DYM: variants seen among roughly 807,000 people sequenced by gnomAD.
DYM encodes dymeclin.
Under a neutral mutation model 93.1 loss-of-function variants are expected in DYM, and 78 were observed. The observed-to-expected ratio is 0.84, with a 90% CI of 0.70 to 1.01. The LOEUF (loss-of-function observed/expected upper bound fraction) is 1.01, where lower values mean the gene tolerates loss of function less well. Ranked by LOEUF, DYM falls within the 50% of genes least tolerant of loss-of-function variation. DYM has a pLI of 0.00. For missense variants in DYM, 789 were observed against 845.0 expected (o/e 0.93, Z 0.82); for synonymous variants, 321 against 319.7 (o/e 1.00, Z -0.04).
intron 8 of DYM, among the ~76,000 whole-genome samples, chr18:49,287,523 A>G (rs1684042989): frequency 6.6e-6 from 1 of 151,930 alleles, no homozygotes; most frequent in Non-Finnish European, 1.5e-5. Context: ...GACAAAAGAA[A>G]AAAAGACCAA....
chr18:49,231,143 A>T (rs1258600685), intron 13 of DYM, among the ~76,000 whole-genome samples: 1 of 152,206 alleles, frequency 6.6e-6, no homozygotes, highest in African/African-American at 2.4e-5. Context: ...CATCCTTTAA[A>T]AAGGGTTTTC....
At chr18:49,435,423 T>TAAAAAAAA (rs58887917) in intron 1 of DYM, among the ~76,000 whole-genome samples, 1 of 124,744 alleles carries the variant, frequency 8.0e-6, no homozygotes, top group African/African-American at 3.0e-5. Context: ...ACTAAAACAG[T>TAAAAAAAA]AAAAAAAAAA....
At chr18:49,424,127 A>C (rs904306805) in intron 2 of DYM, among the ~76,000 whole-genome samples, 1 of 152,174 alleles carries the variant, frequency 6.6e-6, no homozygotes, top group Non-Finnish European at 1.5e-5. Flanking sequence ...TCCCTGATGA[A>C]CATCGATGCA....
chr18:49,374,479 G>A (rs2067308461), intron 5 of DYM, among the ~76,000 whole-genome samples: 1 of 152,182 alleles, frequency 6.6e-6, no homozygotes, highest in Admixed American at 6.5e-5. Context: ...AGGGGGAAGA[G>A]GAAGCAGTAC....
chr18:49,116,825 T>A (rs1240620391), intron 16 of DYM, among the ~76,000 whole-genome samples: 1 of 152,228 alleles, frequency 6.6e-6, no homozygotes, highest in Non-Finnish European at 1.5e-5. Context: ...AAGACGGAGT[T>A]AACTCGTGAT....
chr18:49,374,755 T>C (rs747712936), intron 5 of DYM, among the ~76,000 whole-genome samples: 1 of 152,100 alleles, frequency 6.6e-6, no homozygotes, highest in Non-Finnish European at 1.5e-5. Context: ...GGTCAGGAGT[T>C]CAAGACCAGC....
intron 6 of DYM, among the ~76,000 whole-genome samples, chr18:49,346,412 C>T (rs2064598332): frequency 6.6e-6 from 1 of 151,962 alleles, no homozygotes. Flanking sequence ...ATAAAATATC[C>T]AGAATAGGGA....
At chr18:49,070,558 G>A (rs1344341127) in intron 17 of DYM, among the ~76,000 whole-genome samples, 1 of 152,138 alleles carries the variant, frequency 6.6e-6, no homozygotes, top group African/African-American at 2.4e-5. Context: ...TGCCTCCCAA[G>A]CCCCCTTTGC....
chr18:49,182,505 C>T (rs2090023695), intron 14 of DYM, among the ~76,000 whole-genome samples: 1 of 152,186 alleles, frequency 6.6e-6, no homozygotes, highest in Non-Finnish European at 1.5e-5. Context: ...TCTTGATACA[C>T]TGATTCCTTC....
chr18:49,101,402 A>G (rs60955227), intron 16 of DYM, among the ~76,000 whole-genome samples: 16,083 of 152,220 alleles, frequency 0.11, 1,109 homozygotes, highest in East Asian at 0.26. Context: ...AGCTTTGAAC[A>G]GTGATTGCCC....
chr18:49,257,596 GA>G (rs1175173615), intron 12 of DYM, among the ~76,000 whole-genome samples: 1 of 152,034 alleles, frequency 6.6e-6, no homozygotes, highest in Non-Finnish European at 1.5e-5. Context: ...AACACTTTGG[GA>G]GGCCAAAGTG....
chr18:49,082,665 G>A (rs1414195507), intron 17 of DYM, among the ~76,000 whole-genome samples: 1 of 152,162 alleles, frequency 6.6e-6, no homozygotes, highest in Admixed American at 6.5e-5. Flanking sequence ...TTGGAGAGAG[G>A]GTTTTGGCAA....
chr18:49,141,885 A>C (rs2084537388), intron 15 of DYM, among the ~76,000 whole-genome samples: 1 of 151,906 alleles, frequency 6.6e-6, no homozygotes. Flanking sequence ...ATGGAGTCTC[A>C]CTCTGTCACT....
rs569288598 is a variant in DYM, at chr18:49,438,047, C to T, written c.-53-7600G>A. Among the ~76,000 whole-genome samples the T allele has an allele frequency of 7.2e-5, 11 of 152,204 alleles. No homozygotes were observed. In the South Asian group the frequency reaches 2.1e-3, roughly 29 times the overall value. On this transcript the variant is annotated intron_variant, in intron 1 of 17. Coordinates refer to ENST00000675505, the MANE Select transcript of DYM (RefSeq NM_001353214.3). ...ACAAAAAATTTAAAAACTAGCTGGG[C>T]GTGGTGGCACAAGCCTGTGGTCCCA...
At chr18:49,230,328 A>C (rs924276639) in intron 13 of DYM, among the ~76,000 whole-genome samples, 10 of 152,172 alleles carry the variant, frequency 6.6e-5, no homozygotes, top group Non-Finnish European at 1.3e-4. Context: ...GCTCAATTCT[A>C]ATGTCCTGTT....
intron 17 of DYM, among the ~76,000 whole-genome samples, chr18:49,078,368 C>T (rs2077489728): frequency 6.6e-6 from 1 of 151,292 alleles, no homozygotes; most frequent in Admixed American, 6.6e-5. Context: ...CATAAATATA[C>T]CTATGCACCC....
At chr18:49,226,830 G>A (rs2093550575) in intron 13 of DYM, among the ~76,000 whole-genome samples, 1 of 152,058 alleles carries the variant, frequency 6.6e-6, no homozygotes, top group African/African-American at 2.4e-5. Flanking sequence ...CAGTGGGAAT[G>A]CAGTTGACTA....
intron 13 of DYM, among the ~76,000 whole-genome samples, chr18:49,217,223 G>C (rs1042585099): frequency 6.6e-6 from 1 of 152,148 alleles, no homozygotes; most frequent in Non-Finnish European, 1.5e-5. Context: ...AAAAAGAAAC[G>C]AACAAAGCCT....
chr18:49,357,222 T>A (rs1228839634), intron 6 of DYM, among the ~76,000 whole-genome samples: 1 of 152,226 alleles, frequency 6.6e-6, no homozygotes, highest in East Asian at 1.9e-4. Context: ...TTTTTGTCTA[T>A]CTACCTCTAA....
Sources: gnomAD v4.1 joint callset for allele counts (sites outside exome capture counted in the v4.1 genomes callset) on GRCh38, gnomAD v4.1.1 for gene constraint, MANE v1.5 for transcripts, NCBI Gene and HGNC (gene_info 2026-07-23, HGNC 2026-07-21) for gene names.